NLGN1: variants seen among roughly 807,000 people sequenced by gnomAD.
The protein encoded by NLGN1 is neuroligin 1, also known as neuroligin-1.
Under a neutral mutation model 65.5 loss-of-function variants are expected in NLGN1, and 12 were observed. The observed-to-expected ratio is 0.18, with a 90% confidence interval of 0.12 to 0.30. The LOEUF (loss-of-function observed/expected upper bound fraction) is 0.30, where lower values mean the gene tolerates loss of function less well. Ranked by LOEUF, NLGN1 falls within the 10% of genes least tolerant of loss-of-function variation. NLGN1 has a pLI of 1.00. For synonymous variants in NLGN1, 350 were observed against 359.5 expected (o/e 0.97, Z 0.30); for missense variants, 750 against 1,007.1 (o/e 0.74, Z 3.46).
intron 4 of NLGN1, among the ~76,000 whole-genome samples, chr3:174,042,650 C>T (rs1243027098): frequency 2.0e-5 from 3 of 152,172 alleles, no homozygotes; most frequent in Non-Finnish European, 4.4e-5. Context: ...ACTTACTAGT[C>T]ACTGTGATAA....
chr3:173,899,389 C>T (rs1736921124), intron 4 of NLGN1, among the ~76,000 whole-genome samples: 2 of 151,996 alleles, frequency 1.3e-5, no homozygotes, highest in Admixed American at 6.6e-5. Context: ...AAGCGTAGAA[C>T]ATTTTTTAAT....
chr3:173,668,619 C>CTTTTTT, intron 3 of NLGN1, among the ~76,000 whole-genome samples: 1 of 132,748 alleles, frequency 7.5e-6, no homozygotes, highest in Non-Finnish European at 1.6e-5. Context: ...CTTTTCTTTT[C>CTTTTTT]TTTTTTTTTT....
intron 4 of NLGN1, among the ~76,000 whole-genome samples, chr3:173,840,823 A>G (rs1468605198): frequency 6.6e-6 from 1 of 152,312 alleles, no homozygotes; most frequent in East Asian, 1.9e-4. Context: ...CAGTGCAGCT[A>G]CAACTTTTTG....
intron 3 of NLGN1, among the ~76,000 whole-genome samples, chr3:173,726,441 A>G (rs1248179529): frequency 6.6e-6 from 1 of 151,998 alleles, no homozygotes; most frequent in East Asian, 1.9e-4. Context: ...CTTTTCTCAC[A>G]GGATTCTCAA....
intron 2 of NLGN1, among the ~76,000 whole-genome samples, chr3:173,481,642 A>T (rs1727301300): frequency 6.9e-6 from 1 of 145,878 alleles, no homozygotes; most frequent in Non-Finnish European, 1.5e-5. Context: ...GTAATTTATT[A>T]TATCAGATAA....
chr3:173,777,572 A>G (rs945908812), intron 3 of NLGN1, among the ~76,000 whole-genome samples: 6 of 151,868 alleles, frequency 4.0e-5, no homozygotes, highest in African/African-American at 1.2e-4. Context: ...TATTAACAAT[A>G]GTCAACCTAC....
At chr3:174,167,979 T>G (rs1351073087) in intron 4 of NLGN1, among the ~76,000 whole-genome samples, 3 of 151,726 alleles carry the variant, frequency 2.0e-5, no homozygotes, top group South Asian at 2.1e-4. Context: ...ATTTTTTCTG[T>G]TTTTTTTCCA....
intron 4 of NLGN1, among the ~76,000 whole-genome samples, chr3:174,006,882 A>G (rs1419551163): frequency 6.6e-6 from 1 of 152,038 alleles, no homozygotes; most frequent in African/African-American, 2.4e-5. Flanking sequence ...CAGCCTGGCT[A>G]CATGGTGAAA....
At chr3:174,265,418 A>T (rs6779099) in intron 4 of NLGN1, among the ~76,000 whole-genome samples, 25,160 of 151,942 alleles carry the variant, frequency 0.17, 2,550 homozygotes, top group African/African-American at 0.28. Context: ...AAAGCACAAT[A>T]TTCGGATGGG....
At chr3:173,413,034 C>T (rs993820829) in intron 1 of NLGN1, among the ~76,000 whole-genome samples, 8 of 152,276 alleles carry the variant, frequency 5.3e-5, no homozygotes, top group African/African-American at 1.2e-4. Flanking sequence ...GACTCCCTGG[C>T]GATATTTATC....
intron 3 of NLGN1, among the ~76,000 whole-genome samples, chr3:173,790,955 CACAG>C (rs1280164936): frequency 6.6e-6 from 1 of 152,104 alleles, no homozygotes; most frequent in African/African-American, 2.4e-5. Context: ...CCCTTTATGA[CACAG>C]ACAAATTATC....
intron 2 of NLGN1, among the ~76,000 whole-genome samples, chr3:173,493,257 A>G (rs374336550): frequency 6.6e-6 from 1 of 151,776 alleles, no homozygotes; most frequent in Non-Finnish European, 1.5e-5. Flanking sequence ...AGGCGTGTTT[A>G]TGAGATATGA....
intron 4 of NLGN1, among the ~76,000 whole-genome samples, chr3:174,109,352 T>G (rs1416960449): frequency 6.6e-6 from 1 of 152,048 alleles, no homozygotes; most frequent in Admixed American, 6.6e-5. Context: ...TTATTTTTTG[T>G]GTACCATTTT....
At chr3:173,468,899 C>T (rs1724836496) in intron 2 of NLGN1, among the ~76,000 whole-genome samples, 2 of 152,048 alleles carry the variant, frequency 1.3e-5, no homozygotes, top group African/African-American at 4.8e-5. Context: ...TAATAGGAAA[C>T]TGTGTTCTGG....
chr3:174,021,858 G>T (rs376076150), intron 4 of NLGN1, among the ~76,000 whole-genome samples: 1 of 152,276 alleles, frequency 6.6e-6, no homozygotes, highest in African/African-American at 2.4e-5. Context: ...AAAGCATCCA[G>T]ATGAAGGCGT....
intron 2 of NLGN1, among the ~76,000 whole-genome samples, chr3:173,592,487 T>C (rs1748693419): frequency 6.6e-6 from 1 of 152,202 alleles, no homozygotes; most frequent in Admixed American, 6.5e-5. Flanking sequence ...CCAGTCTACA[T>C]GGATATCTAT....
intron 3 of NLGN1, among the ~76,000 whole-genome samples, chr3:173,713,035 A>C (rs550061524): frequency 6.6e-6 from 1 of 152,262 alleles, no homozygotes; most frequent in African/African-American, 2.4e-5. Flanking sequence ...GATTATATTC[A>C]TCAAGCAATA....
intron 4 of NLGN1, among the ~76,000 whole-genome samples, chr3:173,930,405 A>T (rs1560657699): frequency 6.6e-6 from 1 of 152,174 alleles, no homozygotes; most frequent in Non-Finnish European, 1.5e-5. Flanking sequence ...TAGCAATAAA[A>T]AGCAAAATGT....
At position 173,939,219 on chromosome 3, in the gene NLGN1, G is replaced by A. The variant is rs540574804; in HGVS notation, c.646+131387G>A. ...TAGCCCTAAAATTTCAGCTAGAAAT[G>A]TTTATCTAACGGAGTTCTCCTGAGT... On this transcript the variant is annotated intron_variant, in intron 4 of 6. Transcript: ENST00000457714. 6.2e-4 allele frequency among the ~76,000 whole-genome samples: 94 copies of A among 152,290 alleles called. 2 individuals carry two copies. The highest frequency in any genetic ancestry group is 1.1e-3 in the Non-Finnish European group (76 of 68,020).
Sources: gnomAD v4.1 joint callset for allele counts (sites outside exome capture counted in the v4.1 genomes callset) on GRCh38, gnomAD v4.1.1 for gene constraint, MANE v1.5 for transcripts, NCBI Gene and HGNC (gene_info 2026-07-23, HGNC 2026-07-21) for gene names.